The following SNX27 variants were observed in gnomAD, a reference collection of about 807,000 sequenced individuals.
SNX27 encodes sorting nexin-27.
SNX27 carries 22 observed loss-of-function variants against 71.6 expected under a neutral mutation model. The observed-to-expected ratio is 0.31, with a 90% CI of 0.22 to 0.44. The LOEUF (loss-of-function observed/expected upper bound fraction) is 0.44. Among genes scored for constraint, SNX27 ranks in the 20% least tolerant of loss-of-function variants. The probability of loss-of-function intolerance (pLI) is 1.00; values close to 1 mark genes in which losing one functional copy is unlikely to be tolerated. For missense variants in SNX27, 531 were observed against 698.6 expected (o/e 0.76, Z 2.70); for synonymous variants, 269 against 277.2 (o/e 0.97, Z 0.29).
intron 8 of SNX27, among the ~76,000 whole-genome samples, chr1:151,690,595 T>A (rs1178410797): frequency 6.6e-6 from 1 of 151,630 alleles, no homozygotes; most frequent in Non-Finnish European, 1.5e-5. Context: ...GGACTACAGG[T>A]GCCCGGCAAA....
chr1:151,662,092 G>T, intron 4 of SNX27, 74 bp from the exon 5 acceptor site: 1 of 1,002,162 alleles, frequency 1.0e-6, no homozygotes. Flanking sequence ...TTAGGTTATT[G>T]TCTAGCTAGC....
chr1:151,693,317 C>G (rs1187495501), intron 10 of SNX27, 107 bp from the exon 11 acceptor site: 13 of 1,194,258 alleles, frequency 1.1e-5, no homozygotes, highest in Non-Finnish European at 1.5e-5. Flanking sequence ...GGGTTTTTCT[C>G]TAGACTGAGT....
intron 1 of SNX27, among the ~76,000 whole-genome samples, chr1:151,628,132 G>C (rs1238576293): frequency 1.3e-5 from 2 of 151,268 alleles, no homozygotes; most frequent in East Asian, 3.9e-4. Flanking sequence ...GCAGCCTCTT[G>C]AGTAGCTGGG....
rs1451939175 is a variant in SNX27 at position 151,651,240 on chromosome 1, CGA to C, written c.544-6994_544-6993del. On this transcript the variant is annotated intron_variant, in intron 2 of 11. Transcript: ENST00000458013. Reference sequence around the variant, plus strand: ...CTGGCCGGGCGGGGGGCTGACCCCCCGACCTCCCTCCCAGACGGGGCGGCTGG... The same window carrying C: ...CTGGCCGGGCGGGGGGCTGACCCCCCCCTCCCTCCCAGACGGGGCGGCTGG... Among the ~76,000 whole-genome samples the C allele has an allele frequency of 4.3e-4, 65 of 150,196 alleles. 1 individual carries two copies. The highest frequency in any genetic ancestry group is 4.5e-5 in the Non-Finnish European group (3 of 67,338).
At chr1:151,680,131 TAGTC>T (rs1005647125) in intron 7 of SNX27, 38 of 151,320 alleles carry the variant, frequency 2.5e-4, no homozygotes, top group African/African-American at 6.6e-4. Flanking sequence ...GTTTTCCACT[TAGTC>T]AGTCAAGCAG....
chr1:151,660,904 C>T (rs763121024), intron 4 of SNX27, 42 bp downstream of exon 4: 1 of 1,428,330 alleles, frequency 7.0e-7, no homozygotes, highest in Non-Finnish European at 9.9e-7. Flanking sequence ...CCTTTTGGCT[C>T]CTTGTGGGGG....
At chr1:151,613,646 C>T (rs1571744755) in intron 1 of SNX27, among the ~76,000 whole-genome samples, 1 of 152,062 alleles carries the variant, frequency 6.6e-6, no homozygotes, top group Non-Finnish European at 1.5e-5. Flanking sequence ...CATACGCCTC[C>T]CCCACCACAT....
intron 2 of SNX27, among the ~76,000 whole-genome samples, chr1:151,649,105 G>A (rs1470234647): frequency 6.6e-6 from 1 of 151,576 alleles, no homozygotes; most frequent in Admixed American, 6.6e-5. Flanking sequence ...GGGATTATAG[G>A]CGCCCGCCAC....
intron 1 of SNX27, among the ~76,000 whole-genome samples, chr1:151,620,952 A>G (rs1173797926): frequency 6.6e-6 from 1 of 152,138 alleles, no homozygotes; most frequent in African/African-American, 2.4e-5. Context: ...GGCCTCCCAA[A>G]GTACTGGGAT....
At chr1:151,686,373 T>G (rs1205135594) in intron 8 of SNX27, among the ~76,000 whole-genome samples, 1 of 152,264 alleles carries the variant, frequency 6.6e-6, no homozygotes, top group Non-Finnish European at 1.5e-5. Flanking sequence ...CACAGTAATC[T>G]ATTATGAAGT....
intron 1 of SNX27, among the ~76,000 whole-genome samples, chr1:151,637,469 C>T (rs1245956237): frequency 6.6e-6 from 1 of 152,186 alleles, no homozygotes; most frequent in Non-Finnish European, 1.5e-5. Flanking sequence ...TGAGCCACCG[C>T]GCCCGGCGCC....
rs1357583118 is a variant in SNX27 at position 151,696,618 on chromosome 1, TTTTC to T, written c.*2206_*2209del. 2.0e-5 allele frequency: 3 copies of T among 150,876 alleles called. No homozygotes were observed. Among genetic ancestry groups the T allele is most frequent in the African/African-American group, 4.9e-5 (2 of 40,984 alleles). The allele number at this position is 150,876 out of a possible 1,614,324, so 9.3% of individuals were successfully genotyped here. On this transcript the variant is annotated 3_prime_UTR_variant, in exon 12 of 12. Coordinates refer to ENST00000458013, the MANE Select transcript of SNX27 (RefSeq NM_001330723.2). Reference sequence around the variant, plus strand: ...TTGTTGCAAATCATTGTGAGGCCACTTTTCTTTCCCCTTCCTTCCTTCCTTTTTT... The same window carrying T: ...TTGTTGCAAATCATTGTGAGGCCACTTTTCCCCTTCCTTCCTTCCTTTTTT...
At chr1:151,621,068 A>G (rs574211479) in intron 1 of SNX27, among the ~76,000 whole-genome samples, 65 of 152,090 alleles carry the variant, frequency 4.3e-4, no homozygotes, top group African/African-American at 1.5e-3. Flanking sequence ...GACGGGGGGG[A>G]AACTTAATGT....
intron 1 of SNX27, among the ~76,000 whole-genome samples, chr1:151,619,925 G>A (rs1301601095): frequency 1.3e-5 from 2 of 152,314 alleles, no homozygotes; most frequent in African/African-American, 2.4e-5. Context: ...GCTAAACGAG[G>A]TAATAGAGAT....
intron 1 of SNX27, among the ~76,000 whole-genome samples, chr1:151,615,250 C>A (rs1571747705): frequency 6.6e-6 from 1 of 152,160 alleles, no homozygotes; most frequent in East Asian, 1.9e-4. Flanking sequence ...TTTCCAAATT[C>A]TCTGAACCTT....
chr1:151,675,422 C>T (rs1201651), intron 7 of SNX27, among the ~76,000 whole-genome samples: 84,323 of 151,936 alleles, frequency 0.55, 24,982 homozygotes, highest in Non-Finnish European at 0.68. Context: ...AGTTATAATT[C>T]TAATACAGAT....
chr1:151,644,355 G>A (rs900176763), intron 2 of SNX27, among the ~76,000 whole-genome samples: 2 of 152,100 alleles, frequency 1.3e-5, no homozygotes, highest in East Asian at 3.8e-4. Flanking sequence ...ATAGATTTGC[G>A]TATTCTGGAC....
chr1:151,640,525 C>T (rs1266295068), intron 2 of SNX27, among the ~76,000 whole-genome samples: 1 of 151,890 alleles, frequency 6.6e-6, no homozygotes, highest in Admixed American at 6.5e-5. Flanking sequence ...CAGGTGCGCA[C>T]CACCATGCCC....
intron 7 of SNX27, chr1:151,676,270 ATTTTTTTTTTTTTTTTT>A (rs752951557): frequency 1.6e-3 from 89 of 56,394 alleles, no homozygotes; most frequent in Non-Finnish European, 2.2e-3. Context: ...AGTGCTATTA[ATTTTTTTTTTTTTTTTT>A]TTTTTTTTTT....
Sources: allele counts gnomAD v4.1 joint callset (sites outside exome capture counted in the v4.1 genomes callset), GRCh38; gene constraint gnomAD v4.1.1; transcripts MANE v1.5; gene names NCBI Gene and HGNC (gene_info 2026-07-23, HGNC 2026-07-21).